Variants in WDFY4 observed in about 807,000 individuals in gnomAD.
The protein encoded by WDFY4 is WDFY family member 4, also known as WD repeat- and FYVE domain-containing protein 4.
WDFY4 carries 169 observed loss-of-function variants against 351.9 expected under a neutral mutation model. The ratio of observed to expected loss-of-function variants is 0.48; its 90% CI spans 0.42 to 0.55. The LOEUF (loss-of-function observed/expected upper bound fraction) is 0.55, where lower values mean the gene tolerates loss of function less well. Among genes scored for constraint, WDFY4 ranks in the 20% least tolerant of loss-of-function variants. The pLI is 0.00. For synonymous variants in WDFY4, 1,622 were observed against 1,574.6 expected (o/e 1.03, Z -0.71); for missense variants, 3,803 against 3,935.6 (o/e 0.97, Z 0.90).
chr10:48,973,257 A>G (rs1333404890), intron 57 of WDFY4, among the ~76,000 whole-genome samples: 1 of 152,240 alleles, frequency 6.6e-6, no homozygotes, highest in Non-Finnish European at 1.5e-5. Flanking sequence ...GACTTAGTTC[A>G]TTCTGGGAAG....
At chr10:48,972,379 T>G (rs547427131) in intron 57 of WDFY4, among the ~76,000 whole-genome samples, 2 of 152,258 alleles carry the variant, frequency 1.3e-5, no homozygotes. Flanking sequence ...ATAAAAGTTT[T>G]CAATTTTGCA....
intron 47 of WDFY4, among the ~76,000 whole-genome samples, chr10:48,921,865 A>G (rs895788990): frequency 1.3e-5 from 2 of 152,236 alleles, no homozygotes; most frequent in African/African-American, 4.8e-5. Context: ...TTCCTTGCTG[A>G]TGGGAATGCA....
At chr10:48,881,745 T>A (rs1329080404) in intron 43 of WDFY4, among the ~76,000 whole-genome samples, 1 of 152,008 alleles carries the variant, frequency 6.6e-6, no homozygotes, top group African/African-American at 2.4e-5. Context: ...ATATGGGGCC[T>A]CTCTGTGGCC....
chr10:48,767,900 A>C (rs1160244027), intron 13 of WDFY4, among the ~76,000 whole-genome samples: 2 of 152,150 alleles, frequency 1.3e-5, no homozygotes, highest in Admixed American at 1.3e-4. Context: ...AGACATGTCC[A>C]CTTCCAGGAC....
Position 48,830,854 on chromosome 10 carries a change from G to A in WDFY4, c.6495G>A (p.Glu2165=), listed in dbSNP as rs2068165170. The change falls in exon 38 of 62, where the codon GAG becomes GAA. Residue 2165 remains glutamate (E), a synonymous_variant. Transcript: ENST00000325239. ...AAGAGGTCACACCGCTCTGGGAGGAGACGATGCTCAAGGCCTGGCAGCATT... is the reference window on the plus strand; with the variant it reads ...AAGAGGTCACACCGCTCTGGGAGGAAACGATGCTCAAGGCCTGGCAGCATT... ...KIEEVTPLWE[E]TMLKAWQHYL... The A allele has an allele frequency of 1.9e-6, 3 of 1,551,514 alleles. No homozygotes were observed. The highest frequency in any genetic ancestry group is 2.0e-5 in the Admixed American group (1 of 50,982).
intron 35 of WDFY4, 113 bp from the exon 36 acceptor site, chr10:48,826,558 C>T (rs888321817): frequency 1.3e-4 from 96 of 736,886 alleles, no homozygotes; most frequent in South Asian, 8.3e-4. Flanking sequence ...TTACTTTGGG[C>T]GGTAAGCCAT....
chr10:48,689,866 A>T (rs574637158), intron 1 of WDFY4, among the ~76,000 whole-genome samples: 18 of 152,362 alleles, frequency 1.2e-4, no homozygotes, highest in African/African-American at 4.1e-4. Flanking sequence ...AGATGAGATA[A>T]GTTTCATTAT....
At chr10:48,799,396 T>C (rs1325558684) in intron 24 of WDFY4, among the ~76,000 whole-genome samples, 1 of 149,824 alleles carries the variant, frequency 6.7e-6, no homozygotes, top group Non-Finnish European at 1.5e-5. Context: ...TAAAGTGAGG[T>C]AAGGGATGTG....
In WDFY4 at chr10:48,886,331, T is replaced by C. The variant is rs542854652; in HGVS notation, c.7168-4248T>C. On this transcript the variant is annotated intron_variant, in intron 43 of 61. Transcript: ENST00000325239. Reference sequence around the variant, plus strand: ...TGCTACCACTGAATGTCCCAGTAGATTGTTGTCTCCCTGCTATGGTTTGAA... The same window carrying C: ...TGCTACCACTGAATGTCCCAGTAGACTGTTGTCTCCCTGCTATGGTTTGAA... Among the ~76,000 whole-genome samples the C allele has an allele frequency of 3.9e-5, 6 of 152,330 alleles. No homozygotes were observed. In the East Asian group the frequency reaches 1.2e-3, roughly 29 times the overall value.
chr10:48,914,154 A>G (rs745502808), intron 47 of WDFY4: 17 of 1,611,080 alleles, frequency 1.1e-5, no homozygotes, highest in Admixed American at 1.0e-4. Flanking sequence ...ACCCTTAACC[A>G]TGTTCTTTTA....
chr10:48,826,317 G>A (rs769726414), intron 35 of WDFY4, among the ~76,000 whole-genome samples: 80 of 152,054 alleles, frequency 5.3e-4, no homozygotes, highest in Non-Finnish European at 4.6e-4. Flanking sequence ...TGGTCTATGC[G>A]TCTGTTTTTG....
At chr10:48,914,240 A>T in intron 47 of WDFY4, 1 of 1,427,352 alleles carries the variant, frequency 7.0e-7, no homozygotes, top group Non-Finnish European at 9.4e-7. Context: ...AAACTGCTGA[A>T]AGATAAGAAA....
intron 56 of WDFY4, 76 bp downstream of exon 56, chr10:48,969,324 G>A: frequency 1.3e-6 from 2 of 1,506,746 alleles, no homozygotes; most frequent in Non-Finnish European, 1.8e-6. Context: ...ATGGCCCAGA[G>A]ATAAGTGAGT....
chr10:48,960,921 G>C (rs1296907714), intron 53 of WDFY4, among the ~76,000 whole-genome samples: 1 of 152,206 alleles, frequency 6.6e-6, no homozygotes, highest in East Asian at 1.9e-4. Flanking sequence ...CCTAAGATCT[G>C]AAGTAGGAGA....
chr10:48,699,981 C>G (rs1055375182), intron 1 of WDFY4, among the ~76,000 whole-genome samples: 1 of 152,208 alleles, frequency 6.6e-6, no homozygotes, highest in African/African-American at 2.4e-5. Flanking sequence ...CCCAGACTTA[C>G]TGACTTGTAA....
At position 48,807,888 on chromosome 10, in the gene WDFY4, T is replaced by C; in HGVS notation, c.4768T>C (p.Trp1590Arg). 1 of 1,551,684 alleles carries C rather than the reference T, an allele frequency of 6.4e-7. No individual in the cohort carries two copies. Among genetic ancestry groups the C allele is most frequent in the Non-Finnish European group, 8.7e-7 (1 of 1,146,976 alleles). The stretch of plus-strand genomic sequence containing the variant: ...AAGCCAAACATCTGGAAAGACAATC[T>C]GGCTCAGAAACCAGTTGCTGGAGAT... ...AGSQTSGKTI[W>R]LRNQLLEMLL... The change falls in exon 28 of 62, where the codon TGG (tryptophan) becomes CGG (arginine). Residue 1590 changes from tryptophan to arginine, a missense_variant. Transcript: ENST00000325239.
chr10:48,877,315 T>A lies in WDFY4; in HGVS notation c.7167+116T>A, dbSNP rs567110895. The A allele has an allele frequency of 2.6e-4, 256 of 994,502 alleles. 1 individual carries two copies. The Middle Eastern group carries it at 3.1e-3, about 12-fold the overall frequency. The allele number at this position is 994,502 out of a possible 1,614,324, so 61.6% of individuals were successfully genotyped here. A position where few individuals can be genotyped will look rare whatever the true frequency, so the allele number is the denominator to read the frequency against. ...TGGGGAATGAGATCTCCATTTGCTATGAAAACTTTCAACACAATAATCAGT... is the reference window on the plus strand; with the variant it reads ...TGGGGAATGAGATCTCCATTTGCTAAGAAAACTTTCAACACAATAATCAGT... On this transcript the variant is annotated intron_variant, in intron 43 of 61. Transcript: ENST00000325239.
chr10:48,977,452 T>A (rs1266348819), intron 59 of WDFY4, among the ~76,000 whole-genome samples: 1 of 151,726 alleles, frequency 6.6e-6, no homozygotes, highest in Non-Finnish European at 1.5e-5. Context: ...CATCCATCCA[T>A]CCATCCATCC....
chr10:48,970,236 G>C lies in WDFY4; in HGVS notation c.8875G>C (p.Val2959Leu). The C allele has an allele frequency of 6.4e-7, 1 of 1,551,724 alleles. No individual in the cohort carries two copies. Among genetic ancestry groups the C allele is most frequent in the East Asian group, 2.4e-5 (1 of 40,926 alleles). ...CTCTGGGACCAGCACTGTGGTGTGTGTGTGGGAGCTCAGCATGACCAAAGG... is the reference window on the plus strand; with the variant it reads ...CTCTGGGACCAGCACTGTGGTGTGTCTGTGGGAGCTCAGCATGACCAAAGG... ...VTSGTSTVVC[V>L]WELSMTKGRP... is the part of the protein sequence containing the mutation. Residue 2959 changes from valine (V) to leucine (L), a missense_variant, in exon 57 of 62, where the codon GTG becomes CTG. This residue lies in a region of WDFY4 where 3,054 missense variants were observed against 3,148.6 expected (regional missense o/e 0.97). Coordinates refer to ENST00000325239, the MANE Select transcript of WDFY4 (RefSeq NM_001394531.1).
Sources: gnomAD v4.1 joint callset for allele counts (sites outside exome capture counted in the v4.1 genomes callset) on GRCh38, gnomAD v4.1.1 for gene constraint, gnomAD v4.1.1 regional missense constraint, MANE v1.5 for transcripts, NCBI Gene and HGNC (gene_info 2026-07-23, HGNC 2026-07-21) for gene names.